Variants in C2CD3 observed in about 807,000 individuals in gnomAD.
C2CD3 encodes the protein C2 domain-containing protein 3.
Under a neutral mutation model 234.0 loss-of-function variants are expected in C2CD3, and 148 were observed. That is an observed-to-expected ratio of 0.63 (90% confidence interval 0.55 to 0.72). C2CD3 has a LOEUF of 0.72. Ranked by LOEUF, C2CD3 falls within the 30% of genes least tolerant of loss-of-function variation. C2CD3 has a pLI of 0.00. For missense variants in C2CD3, 2,577 were observed against 2,811.5 expected (o/e 0.92, Z 1.89); for synonymous variants, 1,000 against 1,035.4 (o/e 0.97, Z 0.66).
At position 74,095,314 on chromosome 11, in the gene C2CD3, C is replaced by T; in HGVS notation, c.3074G>A (p.Gly1025Glu). The T allele has an allele frequency of 1.2e-6, 2 of 1,613,322 alleles. No homozygotes were observed. Among genetic ancestry groups the T allele is most frequent in the South Asian group, 2.2e-5 (2 of 91,048 alleles). ...GTACTGGACATAACAATCTGCTTCT[C>T]CCCAGACTGTTGCCTGAAGAGGGGC... ...GLAPLQATVW[G>E]EADCYVQYYF... is the part of the protein sequence containing the mutation. Residue 1025 changes from glycine (G) to glutamate (E), a missense_variant, in exon 17 of 33, where the codon GGA (glycine) becomes GAA (glutamate). Transcript: ENST00000334126.
chr11:74,098,383 T>TA, intron 15 of C2CD3, 128 bp from the exon 16 acceptor site: 1 of 952,918 alleles, frequency 1.0e-6, no homozygotes, highest in East Asian at 2.5e-5. Flanking sequence ...ATAGTGGTTT[T>TA]AAAAAATGTG....
chr11:74,168,153 A>C, intron 2 of C2CD3, 191 bp downstream of exon 2: 1 of 581,236 alleles, frequency 1.7e-6, no homozygotes, highest in Admixed American at 3.1e-5. Flanking sequence ...GAAGTAATAC[A>C]TTTCAAAACT....
At chr11:74,051,238 G>A (rs972378009) in intron 26 of C2CD3, among the ~76,000 whole-genome samples, 2 of 146,710 alleles carry the variant, frequency 1.4e-5, no homozygotes, top group South Asian at 4.2e-4. Flanking sequence ...CACAGCTGCA[G>A]TGAGCATAAT....
chr11:74,019,737 C>T (rs1421770636), intron 32 of C2CD3, among the ~76,000 whole-genome samples: 1 of 151,920 alleles, frequency 6.6e-6, no homozygotes, highest in Non-Finnish European at 1.5e-5. Context: ...AGTGCAGTGG[C>T]ACCATCTTGA....
intron 4 of C2CD3, 92 bp from the exon 5 acceptor site, chr11:74,139,059 T>C: frequency 1.8e-6 from 2 of 1,141,468 alleles, no homozygotes; most frequent in African/African-American, 3.1e-5. Context: ...CCAGTGGTTT[T>C]GGCAAGGTAG....
Position 74,103,630 on chromosome 11 carries a change from A to G in C2CD3, c.2086-5T>C. ...TGTAATAAGCTCCATGGTTACCTGT[A>G]AAACACAAAAGGAGAAGAGTCAATA... is the stretch of plus-strand genomic sequence containing the variant. On this transcript the variant is annotated splice_polypyrimidine_tract_variant and splice_region_variant and intron_variant, in intron 13 of 32. Transcript: ENST00000334126. 6.2e-7 allele frequency: 1 copy of G among 1,602,582 alleles called. No homozygotes were observed. The highest frequency in any genetic ancestry group is 8.5e-7 in the Non-Finnish European group (1 of 1,175,240).
chr11:74,157,845 T>G (rs189903537), intron 3 of C2CD3, among the ~76,000 whole-genome samples: 3 of 152,332 alleles, frequency 2.0e-5, no homozygotes, highest in Admixed American at 6.5e-5. Context: ...TCACACAGTA[T>G]GTATTACACA....
intron 32 of C2CD3, among the ~76,000 whole-genome samples, chr11:74,018,011 C>T (rs12275089): frequency 0.078 from 11,914 of 152,030 alleles, 1,460 homozygotes; most frequent in African/African-American, 0.26. Context: ...GGAAGGGACA[C>T]TGGTCTGTGG....
chr11:74,034,408 C>T, intron 30 of C2CD3, 130 bp from the exon 31 acceptor site: 1 of 1,501,012 alleles, frequency 6.7e-7, no homozygotes, highest in South Asian at 1.3e-5. Flanking sequence ...AAAATTAGTC[C>T]ACCCAAGATT....
At chr11:74,112,110 A>G (rs1177328220) in intron 11 of C2CD3, among the ~76,000 whole-genome samples, 1 of 152,216 alleles carries the variant, frequency 6.6e-6, no homozygotes, top group Non-Finnish European at 1.5e-5. Context: ...CAAAAAGGAA[A>G]CAAAACAAAG....
chr11:74,099,665 G>C (rs1025136326), intron 15 of C2CD3, among the ~76,000 whole-genome samples: 2 of 152,200 alleles, frequency 1.3e-5, no homozygotes, highest in African/African-American at 4.8e-5. Context: ...GGGAGGCTGA[G>C]GCGGGCGGAT....
Position 74,078,665 on chromosome 11 carries a change from A to G in C2CD3, c.4053T>C (p.His1351=), listed in dbSNP as rs755775285. 1.4e-5 allele frequency: 22 copies of G among 1,613,842 alleles called. No homozygotes were observed. In the East Asian group the frequency reaches 4.7e-4, roughly 34 times the overall value. The change falls in exon 23 of 33, where the codon CAT becomes CAC. Residue 1351 remains histidine, a synonymous_variant. Coordinates refer to ENST00000334126, the MANE Select transcript of C2CD3 (RefSeq NM_001286577.2). ...IILPEDGGLP[H]GLELMQKIVG... Reference sequence around the variant, plus strand: ...CGATCTTCTGCATGAGCTCCAGGCCATGAGGTAGGCCCCCGTCTTCTGGTA... The same window carrying G: ...CGATCTTCTGCATGAGCTCCAGGCCGTGAGGTAGGCCCCCGTCTTCTGGTA...
At position 74,098,201 on chromosome 11, in the gene C2CD3, G is replaced by A. The variant is rs752424336; in HGVS notation, c.2787C>T (p.Val929=). The A allele has an allele frequency of 7.4e-6, 12 of 1,614,010 alleles. No homozygotes were observed. The highest frequency in any genetic ancestry group is 2.7e-5 in the African/African-American group (2 of 75,024). ...LLDAQYPVVA[V]DSYMPVIDVF... is the part of the protein sequence containing the mutation. ...CATCAATCACAGGCATGTAGCTGTC[G>A]ACAGCAACAACTGGGTACTGGGCAT... is the stretch of plus-strand genomic sequence containing the variant. Residue 929 remains valine, a synonymous_variant, in exon 16 of 33, where the codon GTC becomes GTT. Coordinates refer to ENST00000334126, the MANE Select transcript of C2CD3 (RefSeq NM_001286577.2).
Position 74,078,718 on chromosome 11 carries a change from C to A in C2CD3, c.4001-1G>T. On this transcript the variant is annotated splice_acceptor_variant, in intron 22 of 32. Coordinates refer to ENST00000334126, the MANE Select transcript of C2CD3 (RefSeq NM_001286577.2). LOFTEE classifies it high-confidence loss of function. ...ATGATAGGATACCATCCTGTGATCC[C>A]TTACGGGAGAAAATAAAGATTCTCA... 1 of 1,574,698 alleles carries A rather than the reference C, an allele frequency of 6.4e-7. No individual in the cohort carries two copies.
chr11:74,091,593 G>A (rs985146312), intron 19 of C2CD3, among the ~76,000 whole-genome samples: 7 of 152,180 alleles, frequency 4.6e-5, no homozygotes, highest in Non-Finnish European at 7.3e-5. Context: ...GGAAGCATTA[G>A]GATGTAATAT....
rs1432737654 is a variant in C2CD3 at position 74,170,843 on chromosome 11, G to A, written c.-51C>T. The A allele has an allele frequency of 1.9e-6, 3 of 1,612,636 alleles. No homozygotes were observed. Among genetic ancestry groups the A allele is most frequent in the African/African-American group, 2.7e-5 (2 of 74,904 alleles). ...GCTCAACTCCGTCTCCAGCACCTAA[G>A]CAGTATCCTCCCGCCATCCCTCCCC... is the stretch of plus-strand genomic sequence containing the variant. On this transcript the variant is annotated 5_prime_UTR_variant, in exon 1 of 33. Transcript: ENST00000334126.
rs17132620 is a variant in C2CD3, at chr11:74,037,134, T to C, written c.5881+344A>G. On this transcript the variant is annotated intron_variant, in intron 30 of 32. Coordinates refer to ENST00000334126, the MANE Select transcript of C2CD3 (RefSeq NM_001286577.2). ...GTGGCACAAGTTCAAGAATTGCTATTGAGGAACCACTCATCTAATCTACCC... is the reference window on the plus strand; with the variant it reads ...GTGGCACAAGTTCAAGAATTGCTATCGAGGAACCACTCATCTAATCTACCC... 0.098 allele frequency among the ~76,000 whole-genome samples: 14,877 copies of C among 152,120 alleles called. 1,993 individuals are homozygous for C. Among genetic ancestry groups the C allele is most frequent in the African/African-American group, 0.31 (12,805 of 41,420 alleles).
chr11:74,122,433 C>A (rs1957247811), intron 8 of C2CD3, among the ~76,000 whole-genome samples: 2 of 152,154 alleles, frequency 1.3e-5, no homozygotes, highest in Admixed American at 6.5e-5. Context: ...AACCTTCACA[C>A]ATATAAATAA....
At chr11:74,109,855 G>A (rs772696516) in intron 11 of C2CD3, among the ~76,000 whole-genome samples, 6 of 151,888 alleles carry the variant, frequency 4.0e-5, no homozygotes, top group African/African-American at 4.8e-5. Context: ...GGCAGATCAC[G>A]AGGTCAGGAG....
Sources: allele counts gnomAD v4.1 joint callset (sites outside exome capture counted in the v4.1 genomes callset), GRCh38; gene constraint gnomAD v4.1.1; transcripts MANE v1.5; gene names NCBI Gene and HGNC (gene_info 2026-07-23, HGNC 2026-07-21).